RARB: variants seen among roughly 807,000 people sequenced by gnomAD.
RARB encodes the protein HBV-activated protein.
Under a neutral mutation model 51.9 loss-of-function variants are expected in RARB, and 17 were observed. The observed-to-expected ratio is 0.33, with a 90% confidence interval of 0.22 to 0.49. The LOEUF is 0.49. Ranked by LOEUF, RARB falls within the 20% of genes least tolerant of loss-of-function variation. The pLI is 0.99. For missense variants in RARB, 369 were observed against 550.8 expected, an observed-to-expected ratio of 0.67 and a Z score of 3.30; for synonymous variants, 215 against 195.4, an observed-to-expected ratio of 1.10 and a Z score of -0.84.
Position 25,569,785 on chromosome 3 carries a change from A to G in RARB, c.476A>G (p.Lys159Arg). 6.2e-6 allele frequency: 10 copies of G among 1,614,118 alleles called. No homozygotes were observed. The highest frequency in any genetic ancestry group is 8.5e-6 in the Non-Finnish European group (10 of 1,180,004). Residue 159 changes from lysine (K) to arginine (R), a missense_variant, in exon 4 of 8, where the codon AAG (lysine) becomes AGG (arginine). This residue lies in a region of RARB where 46 missense variants were observed against 43.2 expected (regional missense o/e 1.07). Transcript: ENST00000330688. Reference sequence around the variant, plus strand: ...GTCAGGAATGACAGGAACAAGAAAAAGAAGGAGACTTCGAAGCAAGAATGC... The same window carrying G: ...GTCAGGAATGACAGGAACAAGAAAAGGAAGGAGACTTCGAAGCAAGAATGC... ...ESVRNDRNKK[K>R]KETSKQECTE... is the part of the protein sequence containing the mutation.
intron 5 of RARB, among the ~76,000 whole-genome samples, chr3:25,392,191 T>G (rs190746713): frequency 6.6e-6 from 1 of 152,136 alleles, no homozygotes; most frequent in Non-Finnish European, 1.5e-5. Context: ...CAAAGATCAA[T>G]TGGCTGTAAG....
intron 2 of RARB, among the ~76,000 whole-genome samples, chr3:24,910,853 T>G (rs1694976020): frequency 6.6e-6 from 1 of 152,206 alleles, no homozygotes; most frequent in South Asian, 2.1e-4. Context: ...CTCAGTTTTG[T>G]GGCTACTCCT....
intron 3 of RARB, among the ~76,000 whole-genome samples, chr3:25,087,547 A>G (rs1335952566): frequency 6.6e-6 from 1 of 152,146 alleles, no homozygotes; most frequent in Admixed American, 6.6e-5. Context: ...AAATGGGGCA[A>G]GATAATAGTA....
intron 3 of RARB, among the ~76,000 whole-genome samples, chr3:25,067,774 T>C: frequency 6.6e-6 from 1 of 152,216 alleles, no homozygotes; most frequent in East Asian, 1.9e-4. Flanking sequence ...TGTCAGGTTA[T>C]ATCTGTTCTT....
At chr3:25,218,950 C>T (rs1413938721) in intron 5 of RARB, among the ~76,000 whole-genome samples, 1 of 152,164 alleles carries the variant, frequency 6.6e-6, no homozygotes, top group Admixed American at 6.5e-5. Context: ...CCTTGCTCTC[C>T]TGGTGAGATG....
intron 5 of RARB, among the ~76,000 whole-genome samples, chr3:25,354,110 TTAAGACTAACATA>T (rs1402325898): frequency 6.6e-6 from 1 of 151,346 alleles, no homozygotes; most frequent in Non-Finnish European, 1.5e-5. Context: ...ATGTGATTTC[TTAAGACTAACATA>T]GTTTCCTTTC....
intron 5 of RARB, among the ~76,000 whole-genome samples, chr3:25,357,687 T>C (rs978564280): frequency 6.6e-6 from 1 of 152,216 alleles, no homozygotes; most frequent in Non-Finnish European, 1.5e-5. Flanking sequence ...TTAATCTTTG[T>C]ATAAGGTGTA....
chr3:25,572,642 G>A (rs769027970), intron 4 of RARB, among the ~76,000 whole-genome samples: 7 of 152,152 alleles, frequency 4.6e-5, no homozygotes, highest in Admixed American at 1.3e-4. Flanking sequence ...TAGGAGGAGA[G>A]AGCTGTGACC....
At chr3:24,880,615 A>G (rs528010481) in intron 2 of RARB, among the ~76,000 whole-genome samples, 11 of 152,242 alleles carry the variant, frequency 7.2e-5, no homozygotes, top group African/African-American at 2.6e-4. Context: ...CTAAAATCCT[A>G]GAAGGGACTT....
At chr3:25,283,988 G>T (rs1436239) in intron 5 of RARB, among the ~76,000 whole-genome samples, 14,962 of 152,238 alleles carry the variant, frequency 0.098, 950 homozygotes, top group South Asian at 0.25. Context: ...GTGATGGTAG[G>T]TCATTTCCAA....
At chr3:25,183,312 T>G (rs1700901837) in intron 5 of RARB, among the ~76,000 whole-genome samples, 1 of 152,166 alleles carries the variant, frequency 6.6e-6, no homozygotes, top group Non-Finnish European at 1.5e-5. Flanking sequence ...GTCTTTATCC[T>G]GACAGCTACA....
intron 2 of RARB, among the ~76,000 whole-genome samples, chr3:24,954,523 G>A (rs1695967397): frequency 6.6e-6 from 1 of 152,124 alleles, no homozygotes; most frequent in Non-Finnish European, 1.5e-5. Context: ...TTTAAAAGTT[G>A]GGGTGCCGAG....
intron 5 of RARB, among the ~76,000 whole-genome samples, chr3:25,390,589 AAAAAATAATAGTACAGGTTTTT>A (rs1298948149): frequency 9.3e-6 from 1 of 107,562 alleles, no homozygotes; most frequent in Non-Finnish European, 2.1e-5. Context: ...TTTTCTCTTC[AAAAAATAATAGTACAGGTTTTT>A]AAATATGTAG....
At position 24,903,664 on chromosome 3, in the gene RARB, G is replaced by A. The variant is rs146345435; in HGVS notation, c.-380+44912G>A. Among the ~76,000 whole-genome samples the A allele has an allele frequency of 4.3e-4, 66 of 152,088 alleles. No individual in the cohort carries two copies. In the East Asian group the frequency reaches 0.011, roughly 26 times the overall value. On this transcript the variant is annotated intron_variant, in intron 2 of 11. Transcript: ENST00000383772. ...TCTGATCTTGTCCAATACCCAGCAT[G>A]GTGTCTTTAGGGCTTTAAGATCTTG...
chr3:25,139,210 A>G (rs1244909213), intron 4 of RARB, among the ~76,000 whole-genome samples: 2 of 152,180 alleles, frequency 1.3e-5, no homozygotes, highest in African/African-American at 4.8e-5. Context: ...AAATGAAAGA[A>G]AGAGTAACAA....
At chr3:25,249,559 T>G (rs1414545284) in intron 5 of RARB, among the ~76,000 whole-genome samples, 2 of 151,422 alleles carry the variant, frequency 1.3e-5, no homozygotes, top group Admixed American at 1.3e-4. Context: ...AATAGTTGCT[T>G]CTTTCAATTT....
At chr3:25,218,573 G>T (rs2125383181) in intron 5 of RARB, among the ~76,000 whole-genome samples, 1 of 152,274 alleles carries the variant, frequency 6.6e-6, no homozygotes, top group South Asian at 2.1e-4. Context: ...TGAACTGGAT[G>T]ACCTCTATTT....
chr3:25,225,971 A>AC (rs1702046484), intron 5 of RARB, among the ~76,000 whole-genome samples: 1 of 152,180 alleles, frequency 6.6e-6, no homozygotes, highest in Non-Finnish European at 1.5e-5. Flanking sequence ...AAATCAGAAA[A>AC]TAGATATATA....
At chr3:24,998,296 G>T (rs1336032208) in intron 2 of RARB, among the ~76,000 whole-genome samples, 1 of 146,290 alleles carries the variant, frequency 6.8e-6, no homozygotes, top group Non-Finnish European at 1.5e-5. Context: ...TTTTTCTTTG[G>T]AGTCCTCTGC....
Sources: gnomAD v4.1 joint callset for allele counts (sites outside exome capture counted in the v4.1 genomes callset) on GRCh38, gnomAD v4.1.1 for gene constraint, gnomAD v4.1.1 regional missense constraint, MANE v1.5 for transcripts, NCBI Gene and HGNC (gene_info 2026-07-23, HGNC 2026-07-21) for gene names.